The following ZIM2 variants were observed in gnomAD, a reference collection of about 807,000 sequenced individuals.
ZIM2 encodes zinc finger imprinted 2, also known as zinc finger protein 656.
Under a neutral mutation model 38.6 loss-of-function variants are expected in ZIM2, and 14 were observed. The observed-to-expected ratio is 0.36, with a 90% CI of 0.24 to 0.57. The LOEUF (loss-of-function observed/expected upper bound fraction) is 0.57, where lower values mean the gene tolerates loss of function less well. Among genes scored for constraint, ZIM2 ranks in the 20% least tolerant of loss-of-function variants. ZIM2 has a pLI of 0.81. For missense variants in ZIM2, 680 were observed against 695.1 expected, an observed-to-expected ratio of 0.98 and a Z score of 0.24; for synonymous variants, 247 against 245.8, an observed-to-expected ratio of 1.00 and a Z score of -0.04.
chr19:56,836,707 G>A (rs999989338), intron 1 of ZIM2, among the ~76,000 whole-genome samples: 5 of 152,140 alleles, frequency 3.3e-5, no homozygotes, highest in African/African-American at 1.2e-4. Flanking sequence ...AGTGACTCGC[G>A]CCTGTAATCC....
chr19:56,805,632 T>A (rs998395107), intron 9 of ZIM2, among the ~76,000 whole-genome samples: 2 of 151,956 alleles, frequency 1.3e-5, no homozygotes, highest in Non-Finnish European at 2.9e-5. Flanking sequence ...AAACGTGAGG[T>A]CCTGAAAGGA....
At chr19:56,785,132 G>A (rs2046528525) in intron 10 of ZIM2, among the ~76,000 whole-genome samples, 1 of 152,068 alleles carries the variant, frequency 6.6e-6, no homozygotes, top group South Asian at 2.1e-4. Flanking sequence ...GAAAATCTGG[G>A]GACTGGGTCC....
intron 9 of ZIM2, chr19:56,811,440 C>T: frequency 1.1e-6 from 1 of 933,688 alleles, no homozygotes. Flanking sequence ...CACGTTGCTA[C>T]ATAACTCGTG....
At chr19:56,839,327 T>C (rs1012983914) in intron 1 of ZIM2, among the ~76,000 whole-genome samples, 2 of 149,930 alleles carry the variant, frequency 1.3e-5, no homozygotes, top group African/African-American at 5.0e-5. Context: ...ACACAGTCAC[T>C]TCAGCCTTGC....
At chr19:56,817,394 T>C in intron 9 of ZIM2, 1 of 1,614,076 alleles carries the variant, frequency 6.2e-7, no homozygotes, top group South Asian at 1.1e-5. Context: ...GAAATGTCCT[T>C]CCAGTTATCA....
chr19:56,780,483 A>C (rs1434047625), intron 11 of ZIM2, among the ~76,000 whole-genome samples: 1 of 152,080 alleles, frequency 6.6e-6, no homozygotes, highest in Non-Finnish European at 1.5e-5. Flanking sequence ...ACCTCAAATG[A>C]ACCACCTGCC....
At chr19:56,817,248 T>C (rs2060063483) in intron 9 of ZIM2, 1 of 1,613,998 alleles carries the variant, frequency 6.2e-7, no homozygotes, top group African/African-American at 1.3e-5. Context: ...CCTTCCCATC[T>C]GTGTCAAAAT....
intron 9 of ZIM2, among the ~76,000 whole-genome samples, chr19:56,795,368 T>TG (rs969311861): frequency 2.2e-4 from 34 of 152,192 alleles, no homozygotes; most frequent in African/African-American, 8.2e-4. Flanking sequence ...GGATGCCTCT[T>TG]GCGCCCTCAA....
In ZIM2 at chr19:56,775,273, G is replaced by A. The variant is rs778735298; in HGVS notation, c.1092C>T (p.Cys364=). ...CTACTTGCGTACTAAAGGTTCGTTT[G>A]CAAAATTCACATCTGTTGTGTTTGT... The part of the protein sequence containing the change: ...QENKHNRCEF[C]KRTFSTQVAL... The change falls in exon 13 of 13, where the codon TGC becomes TGT. Residue 364 remains cysteine, a synonymous_variant. Transcript: ENST00000629319. 6 of 1,614,032 alleles carry A rather than the reference G, an allele frequency of 3.7e-6. No homozygotes were observed. In the Admixed American group the frequency reaches 1.0e-4, roughly 27 times the overall value.
chr19:56,825,135 C>G (rs1735192628), intron 3 of ZIM2: 2 of 155,648 alleles, frequency 1.3e-5, no homozygotes, highest in Non-Finnish European at 2.9e-5. Context: ...TGTTCAAGGC[C>G]CTAGCCAGTA....
Position 56,823,527 on chromosome 19 carries a change from G to C in ZIM2, c.106+63C>G, listed in dbSNP as rs182144020. The C allele has an allele frequency of 3.6e-4, 581 of 1,601,446 alleles. 1 individual carries two copies. Among genetic ancestry groups the C allele is most frequent in the Non-Finnish European group, 1.4e-4 (161 of 1,169,256 alleles). ...CTTCATGGAGGCCCCAACCCACTGT[G>C]TCTCCATCTGGAAGCATCTGGCAGC... On this transcript the variant is annotated intron_variant, in intron 5 of 12. Transcript: ENST00000629319.
intron 9 of ZIM2, among the ~76,000 whole-genome samples, chr19:56,794,045 A>C (rs546402928): frequency 6.6e-6 from 1 of 152,278 alleles, no homozygotes; most frequent in South Asian, 2.1e-4. Context: ...GCCCTTTTCC[A>C]TATGTATATT....
intron 9 of ZIM2, chr19:56,815,056 T>C: frequency 3.1e-6 from 5 of 1,614,192 alleles, no homozygotes; most frequent in Non-Finnish European, 4.2e-6. Flanking sequence ...CTTCCTGCTG[T>C]GGACTTTCTG....
Position 56,817,819 on chromosome 19 carries a change from G to A in ZIM2, c.417C>T (p.Asp139=), listed in dbSNP as rs142177720. The change falls in exon 9 of 13, where the codon GAC becomes GAT. Residue 139 remains aspartate, a synonymous_variant. Transcript: ENST00000629319. ...CCTGCGTCATGTGGGAGTGGCCATCGTCTTCAGCAAGCTGCACTCCTGGTC... is the reference window on the plus strand; with the variant it reads ...CCTGCGTCATGTGGGAGTGGCCATCATCTTCAGCAAGCTGCACTCCTGGTC... ...LLSLGVQLAE[D]DGHSHMTQGH... The A allele has an allele frequency of 2.0e-5, 33 of 1,613,956 alleles. No individual in the cohort carries two copies. Among genetic ancestry groups the A allele is most frequent in the East Asian group, 1.8e-4 (8 of 44,862 alleles).
chr19:56,831,168 T>C (rs1427323928), intron 2 of ZIM2, among the ~76,000 whole-genome samples: 1 of 152,124 alleles, frequency 6.6e-6, no homozygotes, highest in East Asian at 1.9e-4. Flanking sequence ...GTAAAATGAC[T>C]CCAACACACA....
chr19:56,810,291 A>T (rs1026566321), intron 9 of ZIM2: 114 of 973,868 alleles, frequency 1.2e-4, no homozygotes, highest in Non-Finnish European at 1.4e-4. Context: ...TTTCATATAT[A>T]ATGGAAATAT....
intron 12 of ZIM2, 99 bp downstream of exon 12, chr19:56,779,278 A>C (rs2046195540): frequency 8.2e-7 from 1 of 1,223,058 alleles, no homozygotes; most frequent in Admixed American, 1.8e-5. Context: ...AAGGGCACCT[A>C]CCAGACTTCT....
chr19:56,799,731 C>T (rs376697555), intron 9 of ZIM2: 9 of 152,280 alleles, frequency 5.9e-5, no homozygotes, highest in African/African-American at 2.2e-4. Context: ...AATACTTGTA[C>T]ATGAATGTTC....
At chr19:56,812,476 G>C in intron 9 of ZIM2, 2 of 984,834 alleles carry the variant, frequency 2.0e-6, no homozygotes. Flanking sequence ...AAATAACGAA[G>C]AGAATTAAGT....
Sources: allele counts gnomAD v4.1 joint callset (sites outside exome capture counted in the v4.1 genomes callset), GRCh38; gene constraint gnomAD v4.1.1; transcripts MANE v1.5; gene names NCBI Gene and HGNC (gene_info 2026-07-23, HGNC 2026-07-21).